The following SLC25A12 variants were observed in gnomAD, a reference collection of about 807,000 sequenced individuals.
The protein encoded by SLC25A12 is solute carrier family 25 member 12, also known as electrogenic aspartate/glutamate antiporter SLC25A12, mitochondrial.
Under a neutral mutation model 83.3 loss-of-function variants are expected in SLC25A12, and 32 were observed. The observed-to-expected ratio is 0.38, with a 90% CI of 0.29 to 0.52. The LOEUF is 0.52. Among genes scored for constraint, SLC25A12 ranks in the 20% least tolerant of loss-of-function variants. SLC25A12 has a pLI of 0.84. For synonymous variants in SLC25A12, 267 were observed against 291.1 expected (o/e 0.92, Z 0.84); for missense variants, 611 against 835.6 (o/e 0.73, Z 3.31).
At chr2:171,860,449 A>G (rs1257300251) in intron 3 of SLC25A12, among the ~76,000 whole-genome samples, 1 of 152,066 alleles carries the variant, frequency 6.6e-6, no homozygotes, top group Non-Finnish European at 1.5e-5. Flanking sequence ...AAATACAAAA[A>G]AAATTAGCCT....
chr2:171,893,311 A>C (rs1352998897), intron 1 of SLC25A12, 53 bp from the exon 2 acceptor site: 1 of 1,448,788 alleles, frequency 6.9e-7, no homozygotes, highest in Non-Finnish European at 9.7e-7. Context: ...GAGACCACAC[A>C]ATCTCTTCAG....
rs869047261 is a variant in SLC25A12 at position 171,865,842 on chromosome 2, CA to C, written c.209+2838del. 8.0e-5 allele frequency among the ~76,000 whole-genome samples: 12 copies of C among 150,866 alleles called. 1 individual carries two copies. Among genetic ancestry groups the C allele is most frequent in the East Asian group, 1.9e-4 (1 of 5,176 alleles). On this transcript the variant is annotated intron_variant, in intron 3 of 17. Coordinates refer to ENST00000422440, the MANE Select transcript of SLC25A12 (RefSeq NM_003705.5). ...CAACATAAAGCTTCAATTATTTTTCCAAAAAAAAAATTTTTTTTAATTGATC... is the reference window on the plus strand; with the variant it reads ...CAACATAAAGCTTCAATTATTTTTCCAAAAAAAAATTTTTTTTAATTGATC...
intron 15 of SLC25A12, among the ~76,000 whole-genome samples, chr2:171,789,319 C>T (rs1319783774): frequency 2.0e-5 from 3 of 152,146 alleles, no homozygotes; most frequent in Non-Finnish European, 4.4e-5. Flanking sequence ...AGCTCCGCCT[C>T]CCAGGTTCAT....
At chr2:171,813,212 T>C (rs1683983123) in intron 11 of SLC25A12, 127 bp downstream of exon 11, 1 of 924,210 alleles carries the variant, frequency 1.1e-6, no homozygotes, top group Non-Finnish European at 1.7e-6. Context: ...AAAGAGAAAA[T>C]AAAAAGAGAG....
chr2:171,795,092 T>C (rs571231994), intron 13 of SLC25A12, among the ~76,000 whole-genome samples: 4 of 152,308 alleles, frequency 2.6e-5, no homozygotes, highest in Admixed American at 6.5e-5. Flanking sequence ...ATATTCAAAA[T>C]TGCCAGCACT....
chr2:171,793,534 TG>T, intron 14 of SLC25A12, 92 bp downstream of exon 14: 1 of 1,310,964 alleles, frequency 7.6e-7, no homozygotes, highest in Non-Finnish European at 1.1e-6. Flanking sequence ...ACTACCCTGC[TG>T]GACAAGATTG....
intron 13 of SLC25A12, 35 bp from the exon 14 acceptor site, chr2:171,793,802 C>T: frequency 6.2e-7 from 1 of 1,613,784 alleles, no homozygotes; most frequent in South Asian, 1.1e-5. Context: ...GCAGATTCCA[C>T]ATCAGAGCCC....
chr2:171,788,203 T>A (rs140830304), intron 15 of SLC25A12: 1 of 389,486 alleles, frequency 2.6e-6, no homozygotes, highest in Admixed American at 4.1e-5. Flanking sequence ...CAAATAACTG[T>A]GAGAGAGAAA....
chr2:171,866,092 G>T (rs1454784280), intron 3 of SLC25A12, among the ~76,000 whole-genome samples: 3 of 131,988 alleles, frequency 2.3e-5, no homozygotes, highest in African/African-American at 8.7e-5. Context: ...AGCACATCTT[G>T]CACCGCCCTT....
intron 2 of SLC25A12, among the ~76,000 whole-genome samples, chr2:171,872,694 G>A (rs1685479362): frequency 6.6e-6 from 1 of 152,174 alleles, no homozygotes; most frequent in Non-Finnish European, 1.5e-5. Context: ...TGGTGGGATG[G>A]GGCCAGGGAA....
At chr2:171,824,765 C>T (rs1684264249) in intron 9 of SLC25A12, among the ~76,000 whole-genome samples, 1 of 151,280 alleles carries the variant, frequency 6.6e-6, no homozygotes, top group Non-Finnish European at 1.5e-5. Context: ...ATAAATCCAT[C>T]TATTTTTAAA....
intron 12 of SLC25A12, 138 bp from the exon 13 acceptor site, chr2:171,809,824 G>A: frequency 2.7e-6 from 2 of 737,998 alleles, no homozygotes; most frequent in Non-Finnish European, 2.4e-6. Flanking sequence ...TAAAATTAAA[G>A]TTGTACAAAT....
At chr2:171,836,226 G>A (rs1282583760) in intron 6 of SLC25A12, among the ~76,000 whole-genome samples, 1 of 152,136 alleles carries the variant, frequency 6.6e-6, no homozygotes, top group African/African-American at 2.4e-5. Flanking sequence ...ATTCACTGAA[G>A]AAAAAGAACA....
intron 2 of SLC25A12, among the ~76,000 whole-genome samples, chr2:171,877,695 T>C (rs887733871): frequency 1.4e-5 from 2 of 147,944 alleles, no homozygotes; most frequent in Admixed American, 1.3e-4. Flanking sequence ...AAAAAGGATG[T>C]ATGCAACCTA....
intron 2 of SLC25A12, among the ~76,000 whole-genome samples, chr2:171,889,246 C>A (rs1270720090): frequency 6.6e-6 from 1 of 152,098 alleles, no homozygotes; most frequent in Non-Finnish European, 1.5e-5. Flanking sequence ...ACCAAACTAA[C>A]CCCATCCCCC....
At chr2:171,847,562 T>C (rs1158509539) in intron 4 of SLC25A12, among the ~76,000 whole-genome samples, 1 of 152,214 alleles carries the variant, frequency 6.6e-6, no homozygotes, top group East Asian at 1.9e-4. Flanking sequence ...GAATCCCATC[T>C]TTCCAGTGGC....
At chr2:171,847,720 C>G (rs576637220) in intron 4 of SLC25A12, among the ~76,000 whole-genome samples, 36 of 152,260 alleles carry the variant, frequency 2.4e-4, no homozygotes, top group African/African-American at 8.4e-4. Context: ...CTAAGAGAAC[C>G]AGGAATCCAT....
At chr2:171,880,789 T>A (rs542749791) in intron 2 of SLC25A12, among the ~76,000 whole-genome samples, 1 of 152,226 alleles carries the variant, frequency 6.6e-6, no homozygotes, top group African/African-American at 2.4e-5. Context: ...AAATTTTTCA[T>A]AACAAAGTTA....
At chr2:171,785,865 G>C (rs926683793) in intron 17 of SLC25A12, among the ~76,000 whole-genome samples, 3 of 152,040 alleles carry the variant, frequency 2.0e-5, no homozygotes, top group Non-Finnish European at 4.4e-5. Context: ...CGAACTTCTG[G>C]TCTAAGGAAT....
Sources: gnomAD v4.1 joint callset for allele counts (sites outside exome capture counted in the v4.1 genomes callset) on GRCh38, gnomAD v4.1.1 for gene constraint, MANE v1.5 for transcripts, NCBI Gene and HGNC (gene_info 2026-07-23, HGNC 2026-07-21) for gene names.